The following CDON variants were observed in gnomAD, a reference collection of about 807,000 sequenced individuals.
The protein encoded by CDON is cell adhesion associated, oncogene regulated.
CDON carries 73 observed loss-of-function variants against 120.9 expected under a neutral mutation model. That is an observed-to-expected ratio of 0.60 (90% confidence interval 0.50 to 0.73). CDON has a LOEUF of 0.73. CDON is among the 30% of genes least tolerant of loss of function. The pLI, the probability that CDON is intolerant of heterozygous loss-of-function variation, is 0.00. For synonymous variants in CDON, 566 were observed against 573.5 expected, an observed-to-expected ratio of 0.99 and a Z score of 0.19; for missense variants, 1,470 against 1,587.3, an observed-to-expected ratio of 0.93 and a Z score of 1.26.
At chr11:125,997,175 G>T in intron 12 of CDON, 32 bp downstream of exon 12, 2 of 1,466,852 alleles carry the variant, frequency 1.4e-6, no homozygotes, top group Non-Finnish European at 1.9e-6. Flanking sequence ...AGTTCACATC[G>T]ATGGTAAAAG....
chr11:125,977,111 C>T (rs1194243749), intron 18 of CDON, among the ~76,000 whole-genome samples: 1 of 152,178 alleles, frequency 6.6e-6, no homozygotes, highest in African/African-American at 2.4e-5. Context: ...TAACAAACTA[C>T]GGTAAAGTCC....
intron 1 of CDON, among the ~76,000 whole-genome samples, chr11:126,047,769 G>A (rs1229219699): frequency 1.3e-5 from 2 of 152,090 alleles, no homozygotes; most frequent in Non-Finnish European, 2.9e-5. Flanking sequence ...CTGACTCCAG[G>A]ACCTACCCTA....
At chr11:126,060,343 A>G (rs1228068789) in intron 1 of CDON, among the ~76,000 whole-genome samples, 1 of 152,218 alleles carries the variant, frequency 6.6e-6, no homozygotes, top group African/African-American at 2.4e-5. Context: ...CTACAGCTCC[A>G]CTGTATTGTC....
intron 1 of CDON, among the ~76,000 whole-genome samples, chr11:126,024,069 C>A (rs1947714545): frequency 2.6e-5 from 4 of 152,162 alleles, no homozygotes; most frequent in Non-Finnish European, 5.9e-5. Flanking sequence ...TGGTCAAGCA[C>A]AGAGAATATC....
At chr11:125,964,564 G>C (rs916194584) in intron 18 of CDON, among the ~76,000 whole-genome samples, 2 of 151,584 alleles carry the variant, frequency 1.3e-5, no homozygotes, top group African/African-American at 4.8e-5. Context: ...TCAAAGGTAA[G>C]TAAAGCAGAG....
At chr11:125,980,924 T>C in intron 17 of CDON, 125 bp downstream of exon 17, 1 of 919,640 alleles carries the variant, frequency 1.1e-6, no homozygotes, top group Non-Finnish European at 1.7e-6. Context: ...CAGTGATCCA[T>C]GCTGTTTCCA....
intron 18 of CDON, among the ~76,000 whole-genome samples, chr11:125,977,740 G>A (rs1946185762): frequency 6.6e-6 from 1 of 151,988 alleles, no homozygotes; most frequent in Admixed American, 6.6e-5. Flanking sequence ...TTTCTATCTT[G>A]TTTGAAATAT....
chr11:126,018,615 C>CTG, intron 4 of CDON, 142 bp from the exon 5 acceptor site: 1 of 755,084 alleles, frequency 1.3e-6, no homozygotes, highest in South Asian at 1.6e-5. Context: ...GTCACCCAGG[C>CTG]TGTAGTACAG....
At chr11:126,045,373 A>C (rs1314985135) in intron 1 of CDON, among the ~76,000 whole-genome samples, 2 of 152,230 alleles carry the variant, frequency 1.3e-5, no homozygotes, top group African/African-American at 4.8e-5. Context: ...AAAATTGTTA[A>C]AAAGAAAAAA....
intron 18 of CDON, among the ~76,000 whole-genome samples, chr11:125,976,429 C>G (rs1161576381): frequency 1.3e-5 from 2 of 151,986 alleles, no homozygotes; most frequent in African/African-American, 4.8e-5. Flanking sequence ...ATCTGGTGTT[C>G]CAAGCTGAAG....
At chr11:125,988,652 T>C (rs1316117669) in intron 15 of CDON, among the ~76,000 whole-genome samples, 1 of 152,212 alleles carries the variant, frequency 6.6e-6, no homozygotes, top group Non-Finnish European at 1.5e-5. Context: ...TAACTGAGAC[T>C]GTGGACGAGT....
intron 16 of CDON, among the ~76,000 whole-genome samples, chr11:125,981,963 CTATTTTCTTTTTTTTTTTTTTTTTT>C (rs1946317755): frequency 2.9e-5 from 1 of 34,136 alleles, no homozygotes. Context: ...AAAAGTGATT[CTATTTTCTTTTTTTTTTTTTTTTTT>C]TTTTTTTTTT....
chr11:125,972,006 G>C (rs560597703), intron 18 of CDON, among the ~76,000 whole-genome samples: 4 of 152,200 alleles, frequency 2.6e-5, no homozygotes, highest in Non-Finnish European at 5.9e-5. Flanking sequence ...TTTAACTCTT[G>C]AAATGCCCAA....
chr11:126,024,381 C>T (rs1195368363), intron 1 of CDON, among the ~76,000 whole-genome samples: 2 of 152,148 alleles, frequency 1.3e-5, no homozygotes, highest in Admixed American at 1.3e-4. Context: ...ACAGTGGTTA[C>T]AACACTGAGT....
intron 5 of CDON, among the ~76,000 whole-genome samples, chr11:126,017,700 A>G (rs554598863): frequency 2.7e-5 from 4 of 149,680 alleles, no homozygotes; most frequent in Admixed American, 2.0e-4. Context: ...GAGGACAGAC[A>G]TATCTCTTTT....
chr11:125,984,136 A>G lies in CDON; in HGVS notation c.2774-43T>C, dbSNP rs73019393. The G allele has an allele frequency of 5.8e-4, 777 of 1,342,746 alleles. 1 individual carries two copies. The highest frequency in any genetic ancestry group is 2.8e-3 in the Admixed American group (164 of 59,006). The allele number at this position is 1,342,746 out of a possible 1,614,324, so 83.2% of individuals were successfully genotyped here. On this transcript the variant is annotated intron_variant, in intron 15 of 19. Coordinates refer to ENST00000531738, the MANE Select transcript of CDON (RefSeq NM_001378964.1). The stretch of plus-strand genomic sequence containing the variant: ...GAAAACATGATGTCAGAGTGAATAC[A>G]GACTCCATGAAATGGTTTACTCTCT...
rs1226201223 is a variant in CDON, at chr11:126,017,228, G to GCAATGTCCTGCCCGTCCTTTAGC, written c.765_787dup (p.Ala263GlyfsTer2). On this transcript the variant is annotated stop_gained and frameshift_variant, in exon 6 of 20. Transcript: ENST00000531738. LOFTEE classifies it high-confidence loss of function. Reference sequence around the variant, plus strand: ...CAACCTTCTCCAGTTGCTTCCTGGTGCAATGTCCTGCCCGTCCTTTAGCCA... The same window carrying GCAATGTCCTGCCCGTCCTTTAGC: ...CAACCTTCTCCAGTTGCTTCCTGGTGCAATGTCCTGCCCGTCCTTTAGCCAATGTCCTGCCCGTCCTTTAGCCA... 2.5e-6 allele frequency: 4 copies of GCAATGTCCTGCCCGTCCTTTAGC among 1,614,154 alleles called. No homozygotes were observed. Among genetic ancestry groups the GCAATGTCCTGCCCGTCCTTTAGC allele is most frequent in the Non-Finnish European group, 3.4e-6 (4 of 1,180,034 alleles).
intron 11 of CDON, among the ~76,000 whole-genome samples, chr11:126,000,508 A>G (rs1319440585): frequency 1.3e-5 from 2 of 152,242 alleles, no homozygotes. Flanking sequence ...GTGCACCACC[A>G]TGCTAGGCCT....
intron 14 of CDON, among the ~76,000 whole-genome samples, chr11:125,991,237 T>C (rs993826248): frequency 2.6e-5 from 4 of 152,180 alleles, no homozygotes; most frequent in South Asian, 2.1e-4. Flanking sequence ...GCTAAAATTA[T>C]AGGAAATATC....
Sources: gnomAD v4.1 joint callset for allele counts (sites outside exome capture counted in the v4.1 genomes callset) on GRCh38, gnomAD v4.1.1 for gene constraint, MANE v1.5 for transcripts, NCBI Gene and HGNC (gene_info 2026-07-23, HGNC 2026-07-21) for gene names.